Variants in FUS observed in about 807,000 individuals in gnomAD.
FUS encodes the protein RNA-binding protein FUS.
A neutral mutation model predicts 82.7 loss-of-function variants in FUS; 5 were observed. That is an observed-to-expected ratio of 0.06 (90% CI 0.03 to 0.13). The LOEUF is 0.13. Among genes scored for constraint, FUS ranks in the 10% least tolerant of loss-of-function variants. The probability of loss-of-function intolerance (pLI) is 1.00; values close to 1 mark genes in which losing one functional copy is unlikely to be tolerated. For synonymous variants in FUS, 281 were observed against 247.4 expected, an observed-to-expected ratio of 1.14 and a Z score of -1.27; for missense variants, 512 against 707.8, an observed-to-expected ratio of 0.72 and a Z score of 3.14.
At chr16:31,187,412 C>T (rs1366918277) in intron 7 of FUS, 1 of 234,612 alleles carries the variant, frequency 4.3e-6, no homozygotes, top group East Asian at 6.1e-5. Context: ...TGCACTACTT[C>T]AAGAAAGATT....
Position 31,183,814 on chromosome 16 carries a change from C to T in FUS, c.191-44C>T, listed in dbSNP as rs764812421. On this transcript the variant is annotated intron_variant, in intron 3 of 14. Coordinates refer to ENST00000254108, the MANE Select transcript of FUS (RefSeq NM_004960.4). The stretch of plus-strand genomic sequence containing the variant: ...CTTTAACCCATTCCTTACATTTTCT[C>T]TTTCCTGGTGGCTTTTGTGACTCCC... 7.4e-6 allele frequency: 12 copies of T among 1,613,264 alleles called. No homozygotes were observed. The African/African-American group carries it at 8.0e-5, about 11-fold the overall frequency.
Position 31,183,940 on chromosome 16 carries a change from C to T in FUS, c.273C>T (p.Tyr91=), listed in dbSNP as rs73530286. The change falls in exon 4 of 15, where the codon TAC becomes TAT. Residue 91 remains tyrosine (Y), a synonymous_variant. Transcript: ENST00000254108. ...YGSSQSSQSS[Y]GQQSSYPGYG... The stretch of plus-strand genomic sequence containing the variant: ...GTAGCCAGAGCTCCCAATCGTCTTA[C>T]GGGCAGCAGTCCTCCTACCCTGGCT... The T allele has an allele frequency of 3.5e-4, 557 of 1,613,854 alleles. 1 individual carries two copies. The African/African-American group carries it at 6.1e-3, about 18-fold the overall frequency.
At chr16:31,193,679 T>TC (rs970270004), downstream of FUS, 1 of 532,398 alleles carries the variant, frequency 1.9e-6, no homozygotes, top group Non-Finnish European at 3.6e-6. Context: ...GGGGGGATCT[T>TC]CCAGGAGAAT....
chr16:31,184,925 T>C lies in FUS; in HGVS notation c.524-14T>C, dbSNP rs1194777398. ...TTTGTTTTTTTTTTTTAATCATTCT[T>C]TCTTTTCTCACAGGTAACTATGGCC... On this transcript the variant is annotated splice_polypyrimidine_tract_variant and intron_variant, in intron 5 of 14. Coordinates refer to ENST00000254108, the MANE Select transcript of FUS (RefSeq NM_004960.4). 1.2e-6 allele frequency: 2 copies of C among 1,613,252 alleles called. No homozygotes were observed. The highest frequency in any genetic ancestry group is 1.7e-6 in the Non-Finnish European group (2 of 1,179,522).
rs751094189 is a variant in FUS, at chr16:31,191,534, G to A, written c.*96G>A. The A allele has an allele frequency of 1.1e-5, 15 of 1,328,478 alleles. No individual in the cohort carries two copies. In the Admixed American group the frequency reaches 2.6e-4, roughly 23 times the overall value. The allele number at this position is 1,328,478 out of a possible 1,614,324, so 82.3% of individuals were successfully genotyped here. A position where few individuals can be genotyped will look rare whatever the true frequency, so the allele number is the denominator to read the frequency against. On this transcript the variant is annotated 3_prime_UTR_variant, in exon 15 of 15. Coordinates refer to ENST00000254108, the MANE Select transcript of FUS (RefSeq NM_004960.4). The stretch of plus-strand genomic sequence containing the variant: ...CCTTCCAATTCCTGATCACCCAAGG[G>A]TTTTTTTGTGTCGGACTATGTAATT...
chr16:31,185,059 G>T lies in FUS; in HGVS notation c.644G>T (p.Gly215Val). 6.2e-7 allele frequency: 1 copy of T among 1,611,818 alleles called. No homozygotes were observed. Among genetic ancestry groups the T allele is most frequent in the Non-Finnish European group, 8.5e-7 (1 of 1,178,936 alleles). ...GGCTATGGACAGCAGGACCGTGGAG[G>T]CCGCGGCAGGGGTGGCAGTGGTGGC... The part of the protein sequence containing the change: ...SGGYGQQDRG[G>V]RGRGGSGGGG... The change falls in exon 6 of 15, where the codon GGC (glycine) becomes GTC (valine). Residue 215 changes from glycine (G) to valine (V), a missense_variant. Physicochemically the swap from Gly to Val is moderately radical, Grantham distance 109 (BLOSUM62 -3). Around this residue, in one of 6 missense-constraint regions of FUS, gnomAD observed 276 missense variants for 303.3 expected, o/e 0.91. Transcript: ENST00000254108.
intron 8 of FUS, 120 bp from the exon 9 acceptor site, chr16:31,189,003 T>G: frequency 1.3e-6 from 1 of 773,496 alleles, no homozygotes; most frequent in Admixed American, 1.8e-5. Flanking sequence ...GATTTCTTTT[T>G]AGTTGTCTTC....
downstream of FUS, chr16:31,194,519 T>TCTCAAAACTGCTCTGGG (rs2079399337): frequency 6.0e-6 from 3 of 499,000 alleles, no homozygotes; most frequent in Non-Finnish European, 1.2e-5. Flanking sequence ...GCTGGTCTGG[T>TCTCAAAACTGCTCTGGG]CTCAAAACTG....
rs1459370251 is a variant in FUS, at chr16:31,190,958, C to T, written c.1394-5C>T. 1 of 1,612,010 alleles carries T rather than the reference C, an allele frequency of 6.2e-7. No individual in the cohort carries two copies. Among genetic ancestry groups the T allele is most frequent in the Non-Finnish European group, 8.5e-7 (1 of 1,178,674 alleles). ...ATATGATAGATCTTGTTTCTTTTGTCCTAGGGGGTAACTACGGGGATGATC... is the reference window on the plus strand; with the variant it reads ...ATATGATAGATCTTGTTTCTTTTGTTCTAGGGGGTAACTACGGGGATGATC... On this transcript the variant is annotated splice_region_variant and splice_polypyrimidine_tract_variant and intron_variant, in intron 13 of 14. Transcript: ENST00000254108.
At chr16:31,187,978 G>C (rs534690319) in intron 7 of FUS, 1 of 370,626 alleles carries the variant, frequency 2.7e-6, no homozygotes, top group Non-Finnish European at 5.0e-6. Flanking sequence ...TGAGAGAACC[G>C]GGCCAAGCTG....
chr16:31,193,501 C>T, downstream of FUS: 1 of 529,164 alleles, frequency 1.9e-6, no homozygotes, highest in Non-Finnish European at 3.7e-6. Flanking sequence ...GTTGTGGTCC[C>T]CTGATGCCCT....
chr16:31,194,181 T>A (rs905953004), downstream of FUS: 2 of 530,322 alleles, frequency 3.8e-6, no homozygotes, highest in Non-Finnish European at 3.6e-6. Flanking sequence ...GCTGCAGTTA[T>A]GTCAGTGGTG....
At chr16:31,184,545 G>A (rs1001507280) in intron 5 of FUS, 149 bp downstream of exon 5, 6 of 827,492 alleles carry the variant, frequency 7.3e-6, no homozygotes, top group African/African-American at 1.7e-5. Context: ...CCGGGTTCGC[G>A]CCAGTCTCCT....
At chr16:31,188,403 C>A in intron 8 of FUS, 46 bp downstream of exon 8, 1 of 1,592,592 alleles carries the variant, frequency 6.3e-7, no homozygotes, top group Non-Finnish European at 8.6e-7. Flanking sequence ...AAAGTGGTAT[C>A]AAGACTGCCT....
chr16:31,193,695 G>C (rs1486248597), downstream of FUS: 1 of 532,606 alleles, frequency 1.9e-6, no homozygotes, highest in Admixed American at 2.2e-5. Context: ...AGAATGGATA[G>C]AGACACCTAG....
At chr16:31,193,751 G>C (rs759437134), downstream of FUS, 2 of 531,460 alleles carry the variant, frequency 3.8e-6, no homozygotes, top group African/African-American at 1.9e-5. Flanking sequence ...TCCCACCTCA[G>C]CCTCCCAAGT....
downstream of FUS, chr16:31,191,958 TCAAA>T (rs914388238): frequency 2.4e-5 from 13 of 533,354 alleles, no homozygotes; most frequent in East Asian, 2.0e-4. Context: ...ATGGTGAGGC[TCAAA>T]CAAACTACAT....
chr16:31,183,858 C>T lies in FUS; in HGVS notation c.191C>T (p.Thr64Ile), dbSNP rs2079218032. The T allele has an allele frequency of 1.2e-6, 2 of 1,614,170 alleles. No homozygotes were observed. The highest frequency in any genetic ancestry group is 1.6e-4 in the Middle Eastern group (1 of 6,062). The change falls in exon 4 of 15, where the codon ACA becomes ATA. Residue 64 changes from threonine (T) to isoleucine (I), a missense_variant and splice_region_variant. Thr to Ile is a moderately conservative substitution (Grantham distance 89). Coordinates refer to ENST00000254108, the MANE Select transcript of FUS (RefSeq NM_004960.4). The stretch of plus-strand genomic sequence containing the variant: ...GACTCCCTTTTTCTTATCCTGGTAG[C>T]AGGCTATGGAACTCAGTCAACTCCC... ...SYSSYGQSQN[T>I]GYGTQSTPQG...
chr16:31,185,076 A>AGTG lies in FUS; in HGVS notation c.666_668dup (p.Gly231dup), dbSNP rs774111102. The AGTG allele has an allele frequency of 6.2e-6, 10 of 1,609,554 alleles. No individual in the cohort carries two copies. The highest frequency in any genetic ancestry group is 4.4e-5 in the South Asian group (4 of 90,910). On this transcript the variant is annotated inframe_insertion, in exon 6 of 15. Coordinates refer to ENST00000254108, the MANE Select transcript of FUS (RefSeq NM_004960.4). ...CCGTGGAGGCCGCGGCAGGGGTGGC[A>AGTG]GTGGTGGCGGCGGCGGCGGCGGCGG...
Sources: allele counts gnomAD v4.1 joint callset, GRCh38; gene constraint gnomAD v4.1.1; regional missense constraint gnomAD v4.1.1; transcripts MANE v1.5; gene names NCBI Gene and HGNC (gene_info 2026-07-23, HGNC 2026-07-21).